FUT8: variants seen among roughly 807,000 people sequenced by gnomAD.
FUT8 encodes the protein fucosyltransferase 8.
A neutral mutation model predicts 71.3 loss-of-function variants in FUT8; 29 were observed. That is an observed-to-expected ratio of 0.41 (90% CI 0.30 to 0.55). The LOEUF is 0.55. Among genes scored for constraint, FUT8 ranks in the 20% least tolerant of loss-of-function variants. The pLI is 0.34. For missense variants in FUT8, 544 were observed against 702.1 expected (o/e 0.77, Z 2.55); for synonymous variants, 254 against 239.3 (o/e 1.06, Z -0.57).
At chr14:65,446,742 C>G (rs1479226622) in intron 1 of FUT8, among the ~76,000 whole-genome samples, 1 of 144,122 alleles carries the variant, frequency 6.9e-6, no homozygotes, top group Non-Finnish European at 1.5e-5. Flanking sequence ...TAATGAAGCT[C>G]AAATTGTTGT....
chr14:65,495,514 T>C (rs2066545553), intron 2 of FUT8, among the ~76,000 whole-genome samples: 1 of 152,164 alleles, frequency 6.6e-6, no homozygotes, highest in Non-Finnish European at 1.5e-5. Context: ...ATTTGTATAT[T>C]GCTCTTTATC....
At chr14:65,623,846 C>T (rs573814802) in intron 5 of FUT8, among the ~76,000 whole-genome samples, 1 of 152,152 alleles carries the variant, frequency 6.6e-6, no homozygotes, top group Non-Finnish European at 1.5e-5. Context: ...AAACCTTGAC[C>T]TGGTCTCATA....
rs1222909674 is a variant in FUT8 at position 65,467,183 on chromosome 14, GT to G, written c.-228+11470del. ...TGTTTATTGGGTTTCATTTCTCCCA[GT>G]TTTTATTTCAGAAAGTCTTTATTTC... is the stretch of plus-strand genomic sequence containing the variant. On this transcript the variant is annotated intron_variant, in intron 2 of 10. Coordinates refer to ENST00000673929, the MANE Select transcript of FUT8 (RefSeq NM_001371533.1). The surrounding 1 kb of genome is among the most constrained non-coding windows in gnomAD (Gnocchi z 4.1). 6.6e-6 allele frequency among the ~76,000 whole-genome samples: 1 copy of G among 152,036 alleles called. No individual in the cohort carries two copies. Among genetic ancestry groups the G allele is most frequent in the Non-Finnish European group, 1.5e-5 (1 of 68,024 alleles).
chr14:65,429,618 T>G (rs1448526196), intron 1 of FUT8, among the ~76,000 whole-genome samples: 1 of 151,998 alleles, frequency 6.6e-6, no homozygotes, highest in African/African-American at 2.4e-5. Flanking sequence ...AATCACAGCA[T>G]TTTGGAGGCT....
chr14:65,486,566 A>C (rs1305164409), intron 2 of FUT8, among the ~76,000 whole-genome samples: 1 of 152,220 alleles, frequency 6.6e-6, no homozygotes, highest in Non-Finnish European at 1.5e-5. Flanking sequence ...AAGTAGACCT[A>C]ACAAGATAGA....
At chr14:65,721,721 G>C in intron 7 of FUT8, 54 bp from the exon 8 acceptor site, 1 of 1,568,784 alleles carries the variant, frequency 6.4e-7, no homozygotes, top group Non-Finnish European at 8.8e-7. Context: ...TTGTTGAATG[G>C]TGGATGTATA....
At chr14:65,473,894 A>C (rs1270196993) in intron 2 of FUT8, among the ~76,000 whole-genome samples, 1 of 152,170 alleles carries the variant, frequency 6.6e-6, no homozygotes, top group East Asian at 1.9e-4. Flanking sequence ...CATCTGTAAA[A>C]GCTATTAGAG....
At chr14:65,698,697 C>T (rs1185479580) in intron 7 of FUT8, among the ~76,000 whole-genome samples, 1 of 152,142 alleles carries the variant, frequency 6.6e-6, no homozygotes, top group African/African-American at 2.4e-5. Context: ...GGATGGTAGG[C>T]TCATCTATTG....
chr14:65,612,713 A>C (rs1889063677), intron 3 of FUT8, among the ~76,000 whole-genome samples: 1 of 152,164 alleles, frequency 6.6e-6, no homozygotes, highest in African/African-American at 2.4e-5. Context: ...GAATGCAGTA[A>C]GCTGGGACAG....
Position 65,574,158 on chromosome 14 carries a change from C to T in FUT8, c.203+12392C>T, listed in dbSNP as rs1240076772. Among the ~76,000 whole-genome samples, 1 of 152,138 alleles carries T rather than the reference C, an allele frequency of 6.6e-6. No individual in the cohort carries two copies. Among genetic ancestry groups the T allele is most frequent in the Non-Finnish European group, 1.5e-5 (1 of 68,032 alleles). On this transcript the variant is annotated intron_variant, in intron 3 of 10. Coordinates refer to ENST00000673929, the MANE Select transcript of FUT8 (RefSeq NM_001371533.1). The surrounding 1 kb of genome is among the most constrained non-coding windows in gnomAD (Gnocchi z 5.2). ...GTTTCTTGCTGTCTGCCAGAGGCTG[C>T]CCTCAGTTCCTTTCCAAGTGGACCT...
chr14:65,699,772 A>G (rs1483003426), intron 7 of FUT8, among the ~76,000 whole-genome samples: 2 of 152,162 alleles, frequency 1.3e-5, no homozygotes, highest in African/African-American at 2.4e-5. Context: ...ATTCCTTACA[A>G]CCAGTGAACC....
Position 65,581,276 on chromosome 14 carries a change from A to G in FUT8, c.203+19510A>G, listed in dbSNP as rs970303904. Among the ~76,000 whole-genome samples the G allele has an allele frequency of 3.9e-5, 6 of 152,268 alleles. No individual in the cohort carries two copies. The South Asian group carries it at 6.2e-4, about 16-fold the overall frequency. The stretch of plus-strand genomic sequence containing the variant: ...TTGAGAACCACTGTCCTAAAGTACA[A>G]TAACATTTTGATATTTAAATTACCG... On this transcript the variant is annotated intron_variant, in intron 3 of 10. Coordinates refer to ENST00000673929, the MANE Select transcript of FUT8 (RefSeq NM_001371533.1).
chr14:65,590,398 A>G (rs1887625933), intron 3 of FUT8, among the ~76,000 whole-genome samples: 1 of 152,202 alleles, frequency 6.6e-6, no homozygotes. Flanking sequence ...AAATCCAAAC[A>G]TCTTGACTTA....
intron 2 of FUT8, among the ~76,000 whole-genome samples, chr14:65,549,063 A>T (rs1272754611): frequency 6.6e-6 from 1 of 152,190 alleles, no homozygotes; most frequent in African/African-American, 2.4e-5. Context: ...ATTGCCTTTA[A>T]ACAAACTGAC....
intron 7 of FUT8, among the ~76,000 whole-genome samples, chr14:65,695,123 G>A (rs185527691): frequency 2.0e-5 from 3 of 151,940 alleles, no homozygotes; most frequent in Admixed American, 2.0e-4. Flanking sequence ...CTGTGAACTC[G>A]AGAAGAATGT....
At chr14:65,402,049 C>T in the FUT8 span, among the ~76,000 whole-genome samples, 1 of 152,000 alleles carries the variant, frequency 6.6e-6, no homozygotes, top group African/African-American at 2.4e-5. Flanking sequence ...GGGTAAGTCT[C>T]AGTTCTTGTG....
rs1594816371 is a variant in FUT8, at chr14:65,611,468, C to A, written c.204-4510C>A. 2.0e-5 allele frequency among the ~76,000 whole-genome samples: 3 copies of A among 151,250 alleles called. No individual in the cohort carries two copies. The South Asian group carries it at 6.3e-4, about 32-fold the overall frequency. On this transcript the variant is annotated intron_variant, in intron 3 of 10. Transcript: ENST00000673929. ...TTTTCTTTTTCTCCATTTCATTGAT[C>A]GTCTCTCTGATCTTTATTACTTCGT...
chr14:65,675,634 C>G (rs770719598), intron 7 of FUT8, among the ~76,000 whole-genome samples: 4 of 152,094 alleles, frequency 2.6e-5, no homozygotes, highest in Admixed American at 1.3e-4. Context: ...CAAGGTACTT[C>G]TAGGTTATTT....
chr14:65,661,709 T>C (rs1350477842), intron 6 of FUT8, among the ~76,000 whole-genome samples: 1 of 152,232 alleles, frequency 6.6e-6, no homozygotes, highest in Non-Finnish European at 1.5e-5. Context: ...ACATTGCTAC[T>C]AATTTACTAA....
Sources: gnomAD v4.1 joint callset for allele counts (sites outside exome capture counted in the v4.1 genomes callset) on GRCh38, gnomAD v4.1.1 for gene constraint, Gnocchi (gnomAD v3.1) non-coding constraint, MANE v1.5 for transcripts, NCBI Gene and HGNC (gene_info 2026-07-23, HGNC 2026-07-21) for gene names.